THSD7B: variants seen among roughly 807,000 people sequenced by gnomAD.
THSD7B encodes the protein thrombospondin type 1 domain containing 7B.
THSD7B carries 138 observed loss-of-function variants against 213.6 expected under a neutral mutation model. The ratio of observed to expected loss-of-function variants is 0.65; its 90% CI spans 0.56 to 0.74. The LOEUF (loss-of-function observed/expected upper bound fraction) is 0.74, where lower values mean the gene tolerates loss of function less well. Among genes scored for constraint, THSD7B ranks in the 30% least tolerant of loss-of-function variants. THSD7B has a pLI of 0.00. For missense variants in THSD7B, 1,931 were observed against 1,991.5 expected, an observed-to-expected ratio of 0.97 and a Z score of 0.58; for synonymous variants, 742 against 687.0, an observed-to-expected ratio of 1.08 and a Z score of -1.25.
At chr2:137,001,051 T>C (rs144320533) in intron 2 of THSD7B, among the ~76,000 whole-genome samples, 3 of 152,244 alleles carry the variant, frequency 2.0e-5, no homozygotes, top group African/African-American at 7.2e-5. Context: ...GGCTGAAGGT[T>C]TTAAGAGCAT....
Position 137,600,290 on chromosome 2 carries a change from C to T in THSD7B, c.3424-15885C>T, listed in dbSNP as rs9678718. On this transcript the variant is annotated intron_variant, in intron 17 of 27. Coordinates refer to ENST00000409968, the MANE Select transcript of THSD7B (RefSeq NM_001316349.2). ...TTATTGGTTTCAGTATCCAGTCATG[C>T]GCCACATAACATTTCAATAATGACT... Among the ~76,000 whole-genome samples the T allele has an allele frequency of 6.1e-3, 923 of 152,278 alleles. 9 individuals are homozygous for T. Among genetic ancestry groups the T allele is most frequent in the African/African-American group, 0.021 (866 of 41,574 alleles).
rs59453034 is a variant in THSD7B at position 137,554,026 on chromosome 2, C to CT, written c.3139-9180dup. On this transcript the variant is annotated intron_variant, in intron 15 of 27. Coordinates refer to ENST00000409968, the MANE Select transcript of THSD7B (RefSeq NM_001316349.2). ...TTTCACGATTCTTAAAAGATAGCTA[C>CT]TTTTTTTTTTTTTTTCAGCAAGAAA... Among the ~76,000 whole-genome samples, 1,252 of 143,804 alleles carry CT rather than the reference C, an allele frequency of 8.7e-3. 13 individuals carry two copies. The highest frequency in any genetic ancestry group is 0.013 in the Non-Finnish European group (829 of 65,604). 94.3% of individuals were successfully genotyped at this position (143,804 alleles called of 152,430 possible). A position where few individuals can be genotyped will look rare whatever the true frequency, so the allele number is the denominator to read the frequency against.
intron 12 of THSD7B, among the ~76,000 whole-genome samples, chr2:137,374,016 C>T (rs963404179): frequency 2.6e-5 from 4 of 152,064 alleles, no homozygotes; most frequent in Admixed American, 6.6e-5. Flanking sequence ...TGTAGATATG[C>T]GGTGTTATTT....
chr2:137,085,943 C>G (rs2195830), intron 3 of THSD7B, among the ~76,000 whole-genome samples: 59,434 of 152,074 alleles, frequency 0.39, 13,768 homozygotes, highest in African/African-American at 0.65. Flanking sequence ...ACAGACTACT[C>G]TTCAGAATCT....
intron 2 of THSD7B, among the ~76,000 whole-genome samples, chr2:137,053,936 G>T (rs1341530510): frequency 2.6e-5 from 4 of 152,088 alleles, no homozygotes; most frequent in African/African-American, 9.7e-5. Flanking sequence ...TTCCTTTACT[G>T]AGTAACTGTG....
chr2:137,049,474 A>G (rs747871944), intron 2 of THSD7B, among the ~76,000 whole-genome samples: 2 of 152,230 alleles, frequency 1.3e-5, no homozygotes, highest in Non-Finnish European at 2.9e-5. Flanking sequence ...AAGCAGAACA[A>G]TTTCAATAAG....
chr2:136,833,365 A>G lies in THSD7B; in HGVS notation c.-35-48779A>G, dbSNP rs1282795248. On this transcript the variant is annotated intron_variant, in intron 1 of 27. Transcript: ENST00000409968. Reference sequence around the variant, plus strand: ...GGCGAAAGAGCGAGACTCCGTCTCAAAAAAAAAAAAAAAAAAAAAAAGAGA... The same window carrying G: ...GGCGAAAGAGCGAGACTCCGTCTCAGAAAAAAAAAAAAAAAAAAAAAGAGA... 3.2e-3 allele frequency among the ~76,000 whole-genome samples: 437 copies of G among 135,068 alleles called. 4 individuals carry two copies. Among genetic ancestry groups the G allele is most frequent in the African/African-American group, 0.014 (409 of 30,222 alleles). 88.6% of individuals were successfully genotyped at this position (135,068 alleles called of 152,430 possible).
At chr2:136,805,315 A>T (rs1573646343) in intron 1 of THSD7B, among the ~76,000 whole-genome samples, 4 of 152,320 alleles carry the variant, frequency 2.6e-5, no homozygotes, top group Admixed American at 2.0e-4. Context: ...TAGTGTCCAC[A>T]GTTCAATCTG....
chr2:137,154,586 A>G (rs1167494227), intron 5 of THSD7B, among the ~76,000 whole-genome samples: 1 of 152,116 alleles, frequency 6.6e-6, no homozygotes, highest in Admixed American at 6.5e-5. Context: ...AATCTTACAA[A>G]ATGGCTATCA....
chr2:137,376,492 G>C (rs931479783), intron 12 of THSD7B, among the ~76,000 whole-genome samples: 8 of 152,072 alleles, frequency 5.3e-5, no homozygotes, highest in Non-Finnish European at 1.0e-4. Context: ...TTCTGATTTG[G>C]AAGTTAGTTG....
intron 7 of THSD7B, among the ~76,000 whole-genome samples, chr2:137,176,610 G>A (rs771325199): frequency 9.9e-5 from 15 of 152,120 alleles, no homozygotes; most frequent in Non-Finnish European, 1.9e-4. Context: ...GATCCCCTTG[G>A]CCATTTCCCA....
intron 15 of THSD7B, among the ~76,000 whole-genome samples, chr2:137,456,018 G>C (rs1200689632): frequency 6.6e-6 from 1 of 152,086 alleles, no homozygotes; most frequent in Non-Finnish European, 1.5e-5. Context: ...TAAAAATTTT[G>C]TATCAAGATT....
At chr2:136,987,914 A>G (rs1685697247) in intron 2 of THSD7B, among the ~76,000 whole-genome samples, 1 of 152,250 alleles carries the variant, frequency 6.6e-6, no homozygotes, top group Non-Finnish European at 1.5e-5. Flanking sequence ...AGAAAAGAAG[A>G]AATATATTTT....
intron 27 of THSD7B, among the ~76,000 whole-genome samples, chr2:137,668,951 G>C (rs184794157): frequency 6.6e-6 from 1 of 152,042 alleles, no homozygotes; most frequent in Non-Finnish European, 1.5e-5. Context: ...TGGCAGAGGC[G>C]GAAGAAATTC....
intron 7 of THSD7B, among the ~76,000 whole-genome samples, chr2:137,196,111 G>C (rs1316758438): frequency 6.6e-6 from 1 of 152,176 alleles, no homozygotes; most frequent in African/African-American, 2.4e-5. Context: ...TTTTGTACTG[G>C]AGCAGTGCCT....
intron 10 of THSD7B, among the ~76,000 whole-genome samples, chr2:137,243,765 C>G (rs2105066602): frequency 6.6e-6 from 1 of 152,312 alleles, no homozygotes; most frequent in East Asian, 1.9e-4. Flanking sequence ...AAATTATCAT[C>G]TTTGTATTGC....
intron 12 of THSD7B, among the ~76,000 whole-genome samples, chr2:137,360,240 A>C (rs1685222946): frequency 6.6e-6 from 1 of 152,162 alleles, no homozygotes; most frequent in South Asian, 2.1e-4. Flanking sequence ...TTAAGCTTTG[A>C]GGTCCATTCC....
At chr2:137,066,323 C>T (rs922163330) in intron 3 of THSD7B, among the ~76,000 whole-genome samples, 1 of 151,494 alleles carries the variant, frequency 6.6e-6, no homozygotes, top group Non-Finnish European at 1.5e-5. Flanking sequence ...TTCTGAGTAG[C>T]TGGGACTATA....
intron 2 of THSD7B, among the ~76,000 whole-genome samples, chr2:137,043,508 A>G (rs1686918487): frequency 6.6e-6 from 1 of 152,158 alleles, no homozygotes. Flanking sequence ...TCTCACTGAC[A>G]TTGAATTTCG....
Sources: gnomAD v4.1 joint callset for allele counts (sites outside exome capture counted in the v4.1 genomes callset) on GRCh38, gnomAD v4.1.1 for gene constraint, MANE v1.5 for transcripts, NCBI Gene and HGNC (gene_info 2026-07-23, HGNC 2026-07-21) for gene names.